Variants in TULP3 observed in about 807,000 individuals in gnomAD.
TULP3 encodes tubby-related protein 3.
TULP3 carries 38 observed loss-of-function variants against 50.7 expected under a neutral mutation model. The ratio of observed to expected loss-of-function variants is 0.75; its 90% CI spans 0.58 to 0.98. TULP3 has a LOEUF of 0.98. Ranked by LOEUF, TULP3 falls within the 50% of genes least tolerant of loss-of-function variation. The probability of loss-of-function intolerance (pLI) is 0.00; values close to 1 mark genes in which losing one functional copy is unlikely to be tolerated. For synonymous variants in TULP3, 183 were observed against 196.6 expected, an observed-to-expected ratio of 0.93 and a Z score of 0.58; for missense variants, 550 against 568.0, an observed-to-expected ratio of 0.97 and a Z score of 0.32.
chr12:2,923,648 CAAAAAAA>C (rs561072422), intron 4 of TULP3, among the ~76,000 whole-genome samples: 11 of 71,824 alleles, frequency 1.5e-4, no homozygotes, highest in Non-Finnish European at 3.0e-4. Flanking sequence ...TGAAACTTCT[CAAAAAAA>C]AAAAAAAAGA....
At chr12:2,895,271 C>T (rs1261424872) in intron 1 of TULP3, among the ~76,000 whole-genome samples, 3 of 152,188 alleles carry the variant, frequency 2.0e-5, no homozygotes, top group Non-Finnish European at 4.4e-5. Flanking sequence ...GCAGTTCTCC[C>T]TGCTCTGATT....
intron 9 of TULP3, 23 bp downstream of exon 9, chr12:2,937,752 C>T: frequency 2.0e-5 from 30 of 1,533,270 alleles, no homozygotes; most frequent in Non-Finnish European, 2.6e-5. Context: ...GTATTTAAAT[C>T]AGTGAAAGAC....
At position 2,938,240 on chromosome 12, in the gene TULP3, AC is replaced by A; in HGVS notation, c.1151del (p.Thr384IlefsTer5). ...TGTCCTCAACTTCCGTGGCCGGGTC[AC>A]TCAGGCGTCTGTGAAGAACTTCCAG... Reference protein sequence around the residue: ...SYVLNFRGRVTQASVKNFQIV... With the variant: ...SYVLNFRGRVXQASVKNFQIV... On this transcript the variant is annotated frameshift_variant, in exon 10 of 11. Coordinates refer to ENST00000448120, the MANE Select transcript of TULP3 (RefSeq NM_003324.5). LOFTEE classifies it high-confidence loss of function. 6.2e-7 allele frequency: 1 copy of A among 1,614,140 alleles called. No homozygotes were observed. Among genetic ancestry groups the A allele is most frequent in the Non-Finnish European group, 8.5e-7 (1 of 1,180,034 alleles).
chr12:2,907,095 T>C (rs986485717), intron 1 of TULP3, among the ~76,000 whole-genome samples: 1 of 151,860 alleles, frequency 6.6e-6, no homozygotes, highest in African/African-American at 2.4e-5. Context: ...CCCAGCACTT[T>C]GGGAAGCCGA....
At chr12:2,931,367 T>A (rs934811660) in intron 6 of TULP3, 127 bp downstream of exon 6, 2 of 858,670 alleles carry the variant, frequency 2.3e-6, no homozygotes, top group African/African-American at 3.4e-5. Flanking sequence ...ATTGTATCTT[T>A]CAGTCCCCAG....
At chr12:2,903,561 T>C (rs2098180448) in intron 1 of TULP3, among the ~76,000 whole-genome samples, 2 of 98,348 alleles carry the variant, frequency 2.0e-5, no homozygotes, top group South Asian at 6.4e-4. Context: ...AGACTCTATC[T>C]CAAAAAAAAA....
chr12:2,903,353 G>A (rs370807886), intron 1 of TULP3, among the ~76,000 whole-genome samples: 3 of 151,456 alleles, frequency 2.0e-5, no homozygotes, highest in East Asian at 1.9e-4. Flanking sequence ...ACCTGAGGTC[G>A]GGAGTTCAAG....
intron 4 of TULP3, among the ~76,000 whole-genome samples, chr12:2,927,233 C>CG (rs1427226059): frequency 2.6e-5 from 4 of 152,178 alleles, no homozygotes; most frequent in Admixed American, 2.0e-4. Flanking sequence ...GGATAACACT[C>CG]CATTGTATGG....
At position 2,907,475 on chromosome 12, in the gene TULP3, C is replaced by CAAAAAAAAAAA. The variant is rs60356460; in HGVS notation, c.42-2049_42-2039dup. The stretch of plus-strand genomic sequence containing the variant: ...GGGCGACAGAGTGAGACTCCGTCTC[C>CAAAAAAAAAAA]AAAAAAAAAAAAAAATACAAAAATT... On this transcript the variant is annotated intron_variant, in intron 1 of 10. Coordinates refer to ENST00000448120, the MANE Select transcript of TULP3 (RefSeq NM_003324.5). Among the ~76,000 whole-genome samples the CAAAAAAAAAAA allele has an allele frequency of 1.8e-3, 168 of 95,720 alleles. 3 individuals carry two copies. Among genetic ancestry groups the CAAAAAAAAAAA allele is most frequent in the African/African-American group, 6.3e-3 (140 of 22,156 alleles). The allele number at this position is 95,720 out of a possible 152,430, so 62.8% of individuals were successfully genotyped here.
Position 2,909,547 on chromosome 12 carries a change from G to A in TULP3, c.60G>A (p.Met20Ile). 6.4e-7 allele frequency: 1 copy of A among 1,572,860 alleles called. No homozygotes were observed. Among genetic ancestry groups the A allele is most frequent in the Non-Finnish European group, 8.6e-7 (1 of 1,168,012 alleles). The change falls in exon 2 of 11, where the codon ATG becomes ATA. Residue 20 changes from methionine to isoleucine, a missense_variant. Coordinates refer to ENST00000448120, the MANE Select transcript of TULP3 (RefSeq NM_003324.5). The part of the protein sequence containing the change: ...PSGDSVFHEE[M>I]MKMRQAKLDY... The stretch of plus-strand genomic sequence containing the variant: ...TTAACAGTGTCTTCCATGAAGAAAT[G>A]ATGAAGATGCGACAGGCTAAGCTGG...
At chr12:2,902,103 A>C (rs568925335) in intron 1 of TULP3, among the ~76,000 whole-genome samples, 1 of 152,160 alleles carries the variant, frequency 6.6e-6, no homozygotes, top group Non-Finnish European at 1.5e-5. Context: ...AGTTGAACCA[A>C]ATTTTTGTAA....
At chr12:2,937,116 G>A (rs1463209851) in intron 8 of TULP3, among the ~76,000 whole-genome samples, 3 of 142,684 alleles carry the variant, frequency 2.1e-5, no homozygotes, top group African/African-American at 7.8e-5. Context: ...AAAAAAAAAA[G>A]AGAAGTATAA....
Position 2,929,641 on chromosome 12 carries a change from A to G in TULP3, c.395-607A>G, listed in dbSNP as rs139618653. On this transcript the variant is annotated intron_variant, in intron 4 of 10. Transcript: ENST00000448120. ...ACAGAGTCTCTGTCTCCCAGGCTAT[A>G]GTACAGTGGCACAGTCTCGGCTCGC... is the stretch of plus-strand genomic sequence containing the variant. Among the ~76,000 whole-genome samples, 50 of 151,694 alleles carry G rather than the reference A, an allele frequency of 3.3e-4. No homozygotes were observed. The East Asian group carries it at 5.5e-3, about 17-fold the overall frequency.
At chr12:2,928,269 G>C (rs912915563) in intron 4 of TULP3, among the ~76,000 whole-genome samples, 1 of 152,188 alleles carries the variant, frequency 6.6e-6, no homozygotes, top group African/African-American at 2.4e-5. Context: ...GGTGGCTCAC[G>C]CCTATAATCC....
chr12:2,908,027 G>A (rs1408093134), intron 1 of TULP3, among the ~76,000 whole-genome samples: 3 of 152,284 alleles, frequency 2.0e-5, no homozygotes, highest in Non-Finnish European at 4.4e-5. Flanking sequence ...GCACGTCTGT[G>A]TGAGGGTTGT....
chr12:2,915,414 C>T (rs961018410), intron 2 of TULP3, among the ~76,000 whole-genome samples: 1 of 152,152 alleles, frequency 6.6e-6, no homozygotes, highest in Admixed American at 6.6e-5. Context: ...CCAAGTTGCT[C>T]ATCTATTTGT....
At chr12:2,917,606 G>A (rs768436407) in intron 2 of TULP3, among the ~76,000 whole-genome samples, 2 of 151,956 alleles carry the variant, frequency 1.3e-5, no homozygotes, top group East Asian at 1.9e-4. Flanking sequence ...GGCCAGGTAC[G>A]GTGGCTCATG....
In TULP3 at chr12:2,939,364, G is replaced by A. The variant is rs751127572; in HGVS notation, c.1249G>A (p.Asp417Asn). 1 of 1,614,212 alleles carries A rather than the reference G, an allele frequency of 6.2e-7. No individual in the cohort carries two copies. Among genetic ancestry groups the A allele is most frequent in the Non-Finnish European group, 8.5e-7 (1 of 1,180,048 alleles). ...TGTGGCAGATGACGTGTTCACACTG[G>A]ATTACAACTACCCACTTTGTGCAGT... ...GRVADDVFTL[D>N]YNYPLCAVQA... Residue 417 changes from aspartate to asparagine, a missense_variant, in exon 11 of 11, where the codon GAT becomes AAT. Physicochemically the swap from Asp to Asn is conservative, Grantham distance 23 (BLOSUM62 1). Coordinates refer to ENST00000448120, the MANE Select transcript of TULP3 (RefSeq NM_003324.5). The surrounding 1 kb of genome is among the most constrained non-coding windows in gnomAD (Gnocchi z 4.0).
chr12:2,916,757 T>C (rs1003998281), intron 2 of TULP3, among the ~76,000 whole-genome samples: 1 of 152,162 alleles, frequency 6.6e-6, no homozygotes, highest in East Asian at 1.9e-4. Flanking sequence ...TGCATGACGG[T>C]TTTCACCAAG....
Sources: gnomAD v4.1 joint callset for allele counts (sites outside exome capture counted in the v4.1 genomes callset) on GRCh38, gnomAD v4.1.1 for gene constraint, Gnocchi (gnomAD v3.1) non-coding constraint, MANE v1.5 for transcripts, NCBI Gene and HGNC (gene_info 2026-07-23, HGNC 2026-07-21) for gene names.